The following ANKRD52 variants were observed in gnomAD, a reference collection of about 807,000 sequenced individuals.
ANKRD52 encodes ankyrin repeat domain 52.
A neutral mutation model predicts 116.0 loss-of-function variants in ANKRD52; 7 were observed. The observed-to-expected ratio is 0.06, with a 90% CI of 0.03 to 0.11. The LOEUF (loss-of-function observed/expected upper bound fraction) is 0.11. ANKRD52 is among the 10% of genes least tolerant of loss of function. The pLI is 1.00. For missense variants in ANKRD52, 839 were observed against 1,408.6 expected (o/e 0.60, Z 6.47); for synonymous variants, 528 against 578.1 (o/e 0.91, Z 1.24).
rs766171593 is a variant in ANKRD52 at position 56,248,272 on chromosome 12, C to A, written c.1777-48G>T. On this transcript the variant is annotated intron_variant, in intron 17 of 27. Coordinates refer to ENST00000267116, the MANE Select transcript of ANKRD52 (RefSeq NM_173595.4). This position sits in a 1 kb window ranked among gnomAD's most constrained non-coding sequence, Gnocchi z 5.1. ...TGCACACAGCTCGGGACCTTCCCTG[C>A]TCCTCCCTTCCCCTTCTCTGCTCTT... 5.0e-6 allele frequency: 8 copies of A among 1,595,434 alleles called. No homozygotes were observed. Among genetic ancestry groups the A allele is most frequent in the Middle Eastern group, 1.7e-4 (1 of 6,048 alleles).
At position 56,255,937 on chromosome 12, in the gene ANKRD52, C is replaced by T; in HGVS notation, c.309G>A (p.Arg103=). ...GCAGTGGTGTCTGCCACAGCTTGTC[C>T]CGGGCATTCACATCTGCTGAATGTG... ...LLAHSADVNA[R]DKLWQTPLHV... The change falls in exon 5 of 28, where the codon CGG becomes CGA. Residue 103 remains arginine, a synonymous_variant. Transcript: ENST00000267116. The surrounding 1 kb of genome is among the most constrained non-coding windows in gnomAD (Gnocchi z 4.3). 6.3e-7 allele frequency: 1 copy of T among 1,575,520 alleles called. No individual in the cohort carries two copies.
Position 56,244,510 on chromosome 12 carries a change from C to T in ANKRD52, c.2723-75G>A. ...GCCATCCTGGCTCTCCACTTTGCAT[C>T]CCGTCTGCAGATGGCGAGACATCCA... On this transcript the variant is annotated intron_variant, in intron 24 of 27. Transcript: ENST00000267116. The surrounding 1 kb of genome is among the most constrained non-coding windows in gnomAD (Gnocchi z 4.9). The T allele has an allele frequency of 1.9e-6, 3 of 1,596,124 alleles. No individual in the cohort carries two copies. The highest frequency in any genetic ancestry group is 1.7e-6 in the Non-Finnish European group (2 of 1,166,902).
chr12:56,253,258 C>G lies in ANKRD52; in HGVS notation c.1100+30G>C, dbSNP rs1025927777. 20 of 1,596,254 alleles carry G rather than the reference C, an allele frequency of 1.3e-5. No individual in the cohort carries two copies. The highest frequency in any genetic ancestry group is 1.7e-5 in the Non-Finnish European group (20 of 1,166,204). On this transcript the variant is annotated intron_variant, in intron 10 of 27. Coordinates refer to ENST00000267116, the MANE Select transcript of ANKRD52 (RefSeq NM_173595.4). This position sits in a 1 kb window ranked among gnomAD's most constrained non-coding sequence, Gnocchi z 5.5. ...GAGCAGTCTGTGCAGATCTGGGCAG[C>G]CCAGAAGTGGAGTCGGGGCCCTGAC... is the stretch of plus-strand genomic sequence containing the variant.
chr12:56,248,309 G>A lies in ANKRD52; in HGVS notation c.1777-85C>T. The A allele has an allele frequency of 6.5e-7, 1 of 1,537,976 alleles. No homozygotes were observed. Among genetic ancestry groups the A allele is most frequent in the Non-Finnish European group, 8.9e-7 (1 of 1,120,564 alleles). On this transcript the variant is annotated intron_variant, in intron 17 of 27. Transcript: ENST00000267116. This position sits in a 1 kb window ranked among gnomAD's most constrained non-coding sequence, Gnocchi z 5.1. ...CCTTCTCTGCTCTTGGGGTCCCTGG[G>A]AAGCTCAAGGTCTTAGTCCTTGACA...
chr12:56,254,831 C>A lies in ANKRD52; in HGVS notation c.550+34G>T, dbSNP rs1871869602. The A allele has an allele frequency of 6.2e-7, 1 of 1,607,144 alleles. No homozygotes were observed. The highest frequency in any genetic ancestry group is 1.1e-5 in the South Asian group (1 of 90,978). ...TCCCTGCCCTAGGAATCCTAAATGT[C>A]AAATTTCTGATTTTCCCGTGTATTC... is the stretch of plus-strand genomic sequence containing the variant. On this transcript the variant is annotated intron_variant, in intron 6 of 27. Transcript: ENST00000267116. This position sits in a 1 kb window ranked among gnomAD's most constrained non-coding sequence, Gnocchi z 4.6.
intron 18 of ANKRD52, 98 bp downstream of exon 18, chr12:56,247,925 T>A (rs1294581191): frequency 7.2e-7 from 1 of 1,380,246 alleles, no homozygotes; most frequent in African/African-American, 1.4e-5. Flanking sequence ...GCTTGAAGTC[T>A]CCATTCTCCT....
Position 56,242,999 on chromosome 12 carries a change from GC to G in ANKRD52, c.*142del, listed in dbSNP as rs1348243502. Reference sequence around the variant, plus strand: ...CCAAGATGGTGTGGCAAAGGGGTGAGCAGCTGCTCCCCAGGGCTTCCTTCCC... The same window carrying G: ...CCAAGATGGTGTGGCAAAGGGGTGAGAGCTGCTCCCCAGGGCTTCCTTCCC... On this transcript the variant is annotated 3_prime_UTR_variant, in exon 28 of 28. Transcript: ENST00000267116. This position sits in a 1 kb window ranked among gnomAD's most constrained non-coding sequence, Gnocchi z 4.3. 2.2e-5 allele frequency: 27 copies of G among 1,212,946 alleles called. No individual in the cohort carries two copies. Among genetic ancestry groups the G allele is most frequent in the Non-Finnish European group, 2.7e-5 (24 of 898,062 alleles). The allele number at this position is 1,212,946 out of a possible 1,614,324, so 75.1% of individuals were successfully genotyped here. A position where few individuals can be genotyped will look rare whatever the true frequency, so the allele number is the denominator to read the frequency against.
rs1036628218 is a variant in ANKRD52 at position 56,255,670 on chromosome 12, T to C, written c.462+114A>G. The C allele has an allele frequency of 5.2e-5, 50 of 968,080 alleles. No individual in the cohort carries two copies. The highest frequency in any genetic ancestry group is 7.5e-5 in the Non-Finnish European group (49 of 654,306). 60.0% of individuals were successfully genotyped at this position (968,080 alleles called of 1,614,324 possible). ...TAGTGCTTCAGCTTAAGTGTTTATA[T>C]AACCATCCGGGCTGCTTCTCCTTCA... On this transcript the variant is annotated intron_variant, in intron 5 of 27. Transcript: ENST00000267116. The surrounding 1 kb of genome is among the most constrained non-coding windows in gnomAD (Gnocchi z 4.3).
In ANKRD52 at chr12:56,254,449, A is replaced by G; in HGVS notation, c.693+129T>C. The G allele has an allele frequency of 6.9e-7, 1 of 1,455,838 alleles. No homozygotes were observed. The highest frequency in any genetic ancestry group is 9.3e-7 in the Non-Finnish European group (1 of 1,080,226). The allele number at this position is 1,455,838 out of a possible 1,614,324, so 90.2% of individuals were successfully genotyped here. A position where few individuals can be genotyped will look rare whatever the true frequency, so the allele number is the denominator to read the frequency against. On this transcript the variant is annotated intron_variant, in intron 7 of 27. Transcript: ENST00000267116. The surrounding 1 kb of genome is among the most constrained non-coding windows in gnomAD (Gnocchi z 4.6). Reference sequence around the variant, plus strand: ...TATGGCTAAGGTAAGCATTATTCAGACCCTCTCTACCACGTCCTTCCAACT... The same window carrying G: ...TATGGCTAAGGTAAGCATTATTCAGGCCCTCTCTACCACGTCCTTCCAACT...
chr12:56,248,953 C>T lies in ANKRD52; in HGVS notation c.1593-83G>A, dbSNP rs920861162. 3.0e-6 allele frequency: 3 copies of T among 988,390 alleles called. No homozygotes were observed. In the African/African-American group the frequency reaches 4.9e-5, roughly 16 times the overall value. 61.2% of individuals were successfully genotyped at this position (988,390 alleles called of 1,614,324 possible). A position where few individuals can be genotyped will look rare whatever the true frequency, so the allele number is the denominator to read the frequency against. On this transcript the variant is annotated intron_variant, in intron 15 of 27. Coordinates refer to ENST00000267116, the MANE Select transcript of ANKRD52 (RefSeq NM_173595.4). This position sits in a 1 kb window ranked among gnomAD's most constrained non-coding sequence, Gnocchi z 5.1. ...TTCTGGGAGGGCCAGAGGAGAGGAC[C>T]AAGGCCCTCCAGGCCTACCTGGCCG...
In ANKRD52 at chr12:56,247,497, C is replaced by A; in HGVS notation, c.2180G>T (p.Arg727Leu). ...ADLRGRTALH[R>L]GAVTGCEDCL... is the part of the protein sequence containing the mutation. ...CCCCCCTAGAAGCTCACTCACCCCG[C>A]GGTGGAGGGCAGTGCGGCCCCGGAG... is the stretch of plus-strand genomic sequence containing the variant. Residue 727 changes from arginine (R) to leucine (L), a missense_variant, in exon 20 of 28, where the codon CGC (arginine) becomes CTC (leucine). Transcript: ENST00000267116. The A allele has an allele frequency of 6.3e-7, 1 of 1,575,128 alleles. No individual in the cohort carries two copies. The highest frequency in any genetic ancestry group is 1.3e-5 in the African/African-American group (1 of 74,288).
rs1592385609 is a variant in ANKRD52 at position 56,242,308 on chromosome 12, A to C, written c.*834T>G. On this transcript the variant is annotated 3_prime_UTR_variant, in exon 28 of 28. Coordinates refer to ENST00000267116, the MANE Select transcript of ANKRD52 (RefSeq NM_173595.4). The surrounding 1 kb of genome is among the most constrained non-coding windows in gnomAD (Gnocchi z 4.3). Reference sequence around the variant, plus strand: ...AATTCATGACAAGCCTCAAAGTTCAAGGGAAGGAGAGCCAGGGCAGGAATG... The same window carrying C: ...AATTCATGACAAGCCTCAAAGTTCACGGGAAGGAGAGCCAGGGCAGGAATG... The C allele has an allele frequency of 2.5e-6, 1 of 396,692 alleles. No homozygotes were observed. The allele number at this position is 396,692 out of a possible 1,614,324, so 24.6% of individuals were successfully genotyped here.
Position 56,255,852 on chromosome 12 carries a change from T to C in ANKRD52, c.394A>G (p.Ser132Gly). The C allele has an allele frequency of 6.3e-7, 1 of 1,578,120 alleles. No individual in the cohort carries two copies. The highest frequency in any genetic ancestry group is 8.6e-7 in the Non-Finnish European group (1 of 1,161,760). Residue 132 changes from serine to glycine, a missense_variant, in exon 5 of 28, where the codon AGC becomes GGC. Physicochemically the swap from Ser to Gly is moderately conservative, Grantham distance 56. Coordinates refer to ENST00000267116, the MANE Select transcript of ANKRD52 (RefSeq NM_173595.4). This position sits in a 1 kb window ranked among gnomAD's most constrained non-coding sequence, Gnocchi z 4.3. ...CCGCTCCTGTCAGCCACGTTGAGGCTGCTCAACAGGGGTGCCAGAGCCTCA... is the reference window on the plus strand; with the variant it reads ...CCGCTCCTGTCAGCCACGTTGAGGCCGCTCAACAGGGGTGCCAGAGCCTCA... ...CAEALAPLLS[S>G]LNVADRSGRS... is the part of the protein sequence containing the mutation.
chr12:56,252,907 C>T lies in ANKRD52; in HGVS notation c.1184-10G>A, dbSNP rs757772785. ...ATGCTGTACAACTGACCTGGAGGCA[C>T]AGAACAGCCACAGGTCACATCTGAG... is the stretch of plus-strand genomic sequence containing the variant. On this transcript the variant is annotated splice_polypyrimidine_tract_variant and intron_variant, in intron 11 of 27. Coordinates refer to ENST00000267116, the MANE Select transcript of ANKRD52 (RefSeq NM_173595.4). This position sits in a 1 kb window ranked among gnomAD's most constrained non-coding sequence, Gnocchi z 4.7. 1 of 1,612,640 alleles carries T rather than the reference C, an allele frequency of 6.2e-7. No individual in the cohort carries two copies. The highest frequency in any genetic ancestry group is 1.7e-5 in the Admixed American group (1 of 59,842).
At position 56,252,074 on chromosome 12, in the gene ANKRD52, G is replaced by A; in HGVS notation, c.1533C>T (p.Ser511=). ...GCTCGTCCTCTTCGGCATCATGGCT[G>A]GAAGGTGTATGGGGTTCCGCTCTGG... ...TYRRAEPHTP[S]SHDAEEDEPL... Residue 511 remains serine (S), a synonymous_variant, in exon 15 of 28, where the codon TCC becomes TCT. Coordinates refer to ENST00000267116, the MANE Select transcript of ANKRD52 (RefSeq NM_173595.4). This position sits in a 1 kb window ranked among gnomAD's most constrained non-coding sequence, Gnocchi z 4.7. 4.3e-6 allele frequency: 7 copies of A among 1,613,984 alleles called. No individual in the cohort carries two copies. Among genetic ancestry groups the A allele is most frequent in the Non-Finnish European group, 5.9e-6 (7 of 1,179,898 alleles).
Position 56,253,458 on chromosome 12 carries a change from T to G in ANKRD52, c.986-56A>C. The G allele has an allele frequency of 7.2e-7, 1 of 1,387,988 alleles. No homozygotes were observed. The highest frequency in any genetic ancestry group is 1.0e-6 in the Non-Finnish European group (1 of 982,436). 86.0% of individuals were successfully genotyped at this position (1,387,988 alleles called of 1,614,324 possible). On this transcript the variant is annotated intron_variant, in intron 9 of 27. Transcript: ENST00000267116. This position sits in a 1 kb window ranked among gnomAD's most constrained non-coding sequence, Gnocchi z 5.5. ...GCAGACCTCAGGCTTAAGACCACTT[T>G]CGCGAGCTAGCCATGATTTGAGTGC...
chr12:56,256,074 C>T (rs1871938795), intron 4 of ANKRD52, 90 bp from the exon 5 acceptor site: 4 of 1,265,708 alleles, frequency 3.2e-6, no homozygotes, highest in Non-Finnish European at 4.4e-6. Context: ...ATAGCATCTA[C>T]AGCCCCTTCC....
intron 4 of ANKRD52, 110 bp downstream of exon 4, chr12:56,256,905 C>T: frequency 8.2e-7 from 1 of 1,219,334 alleles, no homozygotes; most frequent in Non-Finnish European, 1.1e-6. Context: ...TCCTCACTAC[C>T]TGGGGTAGAA....
chr12:56,252,654 C>T lies in ANKRD52; in HGVS notation c.1302-84G>A. 1 of 1,542,102 alleles carries T rather than the reference C, an allele frequency of 6.5e-7. No individual in the cohort carries two copies. The highest frequency in any genetic ancestry group is 9.0e-7 in the Non-Finnish European group (1 of 1,117,282). ...TGGGGCTAAGGAAGGATGGGACTAG[C>T]AAGCCCTTTCTGCTGTGACTGCTTT... On this transcript the variant is annotated intron_variant, in intron 12 of 27. Transcript: ENST00000267116. This position sits in a 1 kb window ranked among gnomAD's most constrained non-coding sequence, Gnocchi z 4.7.
Sources: gnomAD v4.1 joint callset for allele counts on GRCh38, gnomAD v4.1.1 for gene constraint, Gnocchi (gnomAD v3.1) non-coding constraint, MANE v1.5 for transcripts, NCBI Gene and HGNC (gene_info 2026-07-23, HGNC 2026-07-21) for gene names.